Variants in ANK2 observed in about 807,000 individuals in gnomAD.
ANK2 encodes ankyrin-2.
Under a neutral mutation model 360.5 loss-of-function variants are expected in ANK2, and 83 were observed. The ratio of observed to expected loss-of-function variants is 0.23; its 90% CI spans 0.19 to 0.28. The LOEUF is 0.28. ANK2 is among the 10% of genes least tolerant of loss of function. The pLI, the probability that ANK2 is intolerant of heterozygous loss-of-function variation, is 1.00. For missense variants in ANK2, 4,201 were observed against 4,795.7 expected (o/e 0.88, Z 3.66); for synonymous variants, 1,740 against 1,759.5 (o/e 0.99, Z 0.28).
chr4:113,102,670 C>T (rs915784873), intron 1 of ANK2, among the ~76,000 whole-genome samples: 3 of 152,060 alleles, frequency 2.0e-5, no homozygotes, highest in Admixed American at 2.0e-4. Flanking sequence ...GAAGAATGTC[C>T]AACTGTGAAG....
chr4:112,754,378 C>T, the ANK2 span, among the ~76,000 whole-genome samples: 1 of 151,582 alleles, frequency 6.6e-6, no homozygotes, highest in African/African-American at 2.4e-5. Context: ...TGATTTCTAA[C>T]ATCCTTTCCA....
At chr4:112,980,428 C>T (rs997644080) in intron 2 of ANK2, 1 of 152,236 alleles carries the variant, frequency 6.6e-6, no homozygotes, top group African/African-American at 2.4e-5. Flanking sequence ...TCTGGGCTCC[C>T]TCTGGCCCCA....
At chr4:112,842,727 C>T (rs1001687397) in intron 1 of ANK2, among the ~76,000 whole-genome samples, 5 of 152,296 alleles carry the variant, frequency 3.3e-5, no homozygotes, top group African/African-American at 7.2e-5. Context: ...CTGTGCGGCC[C>T]GCTTCCTGTT....
At chr4:113,012,151 T>A (rs2054957874) in intron 2 of ANK2, among the ~76,000 whole-genome samples, 1 of 152,116 alleles carries the variant, frequency 6.6e-6, no homozygotes, top group African/African-American at 2.4e-5. Flanking sequence ...ACCACGAAAA[T>A]GCAGCCATTC....
chr4:112,761,342 C>G, the ANK2 span, among the ~76,000 whole-genome samples: 1 of 152,086 alleles, frequency 6.6e-6, no homozygotes, highest in African/African-American at 2.4e-5. Flanking sequence ...AAGTTCTCGC[C>G]TGGCACCGTG....
intron 4 of ANK2, among the ~76,000 whole-genome samples, chr4:113,213,839 G>A (rs1293641633): frequency 1.3e-5 from 2 of 152,046 alleles, no homozygotes; most frequent in African/African-American, 4.8e-5. Flanking sequence ...ACAAGAAAAG[G>A]ATTCCTGTTT....
In ANK2 at chr4:112,963,273, G is replaced by T. The variant is rs112888911; in HGVS notation, c.21+58759G>T. ...TTGACTCTTAATTTTTAATGATCTTGATGATACTAAAGCCATTTACACCTT... is the reference window on the plus strand; with the variant it reads ...TTGACTCTTAATTTTTAATGATCTTTATGATACTAAAGCCATTTACACCTT... On this transcript the variant is annotated intron_variant, in intron 2 of 30. Transcript: ENST00000503271. Among the ~76,000 whole-genome samples the T allele has an allele frequency of 6.1e-3, 934 of 152,166 alleles. 7 individuals are homozygous for T. Among genetic ancestry groups the T allele is most frequent in the African/African-American group, 0.02 (848 of 41,516 alleles).
intron 45 of ANK2, among the ~76,000 whole-genome samples, chr4:113,376,630 CTTTA>C (rs2096944341): frequency 6.6e-6 from 1 of 152,086 alleles, no homozygotes; most frequent in African/African-American, 2.4e-5. Context: ...AACTCTTTGA[CTTTA>C]TAAGCTTTTA....
At chr4:112,997,658 T>A (rs2049044787) in intron 2 of ANK2, among the ~76,000 whole-genome samples, 1 of 152,012 alleles carries the variant, frequency 6.6e-6, no homozygotes, top group Non-Finnish European at 1.5e-5. Context: ...AATATTTTGG[T>A]CATATTATCA....
Position 113,355,578 on chromosome 4 carries a change from C to T in ANK2, c.6960C>T (p.Ser2320=). The change falls in exon 38 of 46, where the codon AGC becomes AGT. Residue 2320 remains serine, a synonymous_variant. Coordinates refer to ENST00000357077, the MANE Select transcript of ANK2 (RefSeq NM_001148.6). ...EATLGSPKDT[S]PKRQDDCTGS... is the part of the protein sequence containing the mutation. ...CTCTAGGCTCTCCCAAAGACACAAG[C>T]CCTAAAAGACAAGATGATTGCACAG... The T allele has an allele frequency of 1.2e-6, 2 of 1,614,080 alleles. No homozygotes were observed. The highest frequency in any genetic ancestry group is 1.7e-6 in the Non-Finnish European group (2 of 1,179,972).
chr4:113,348,323 G>A lies in ANK2; in HGVS notation c.4404+15G>A. On this transcript the variant is annotated intron_variant, in intron 36 of 45. Coordinates refer to ENST00000357077, the MANE Select transcript of ANK2 (RefSeq NM_001148.6). Reference sequence around the variant, plus strand: ...AGGAGGAAGAGGTAATTTTATGACAGTGTCACTTGTTATCGGCTGTGTCAT... The same window carrying A: ...AGGAGGAAGAGGTAATTTTATGACAATGTCACTTGTTATCGGCTGTGTCAT... 8 of 1,612,380 alleles carry A rather than the reference G, an allele frequency of 5.0e-6. No individual in the cohort carries two copies. Among genetic ancestry groups the A allele is most frequent in the Non-Finnish European group, 6.8e-6 (8 of 1,178,672 alleles).
At chr4:112,957,588 C>T (rs1360878417) in intron 2 of ANK2, among the ~76,000 whole-genome samples, 1 of 151,274 alleles carries the variant, frequency 6.6e-6, no homozygotes, top group East Asian at 2.0e-4. Context: ...CCAGTAGGGG[C>T]GGCCGGGCAG....
chr4:113,094,943 A>G lies in ANK2; in HGVS notation c.84+45131A>G, dbSNP rs930851905. Among the ~76,000 whole-genome samples the G allele has an allele frequency of 3.3e-5, 5 of 152,348 alleles. No individual in the cohort carries two copies. The South Asian group carries it at 1.0e-3, about 32-fold the overall frequency. ...GTGTGGCTGGAATGCATGCTGTAGC[A>G]TGACTGGCCTCCAGTGGTGTCTTTG... On this transcript the variant is annotated intron_variant, in intron 1 of 45. Transcript: ENST00000357077.
At chr4:112,956,212 C>A (rs2095322902) in intron 2 of ANK2, among the ~76,000 whole-genome samples, 1 of 152,206 alleles carries the variant, frequency 6.6e-6, no homozygotes, top group Non-Finnish European at 1.5e-5. Context: ...CTTAACTAAG[C>A]ACTTATCATG....
Position 113,232,102 on chromosome 4 carries a change from C to T in ANK2, c.385-59C>T, listed in dbSNP as rs76851479. The T allele has an allele frequency of 7.1e-4, 871 of 1,221,382 alleles. 2 individuals are homozygous for T. The African/African-American group carries it at 8.8e-3, about 12-fold the overall frequency. The allele number at this position is 1,221,382 out of a possible 1,614,324, so 75.7% of individuals were successfully genotyped here. A position where few individuals can be genotyped will look rare whatever the true frequency, so the allele number is the denominator to read the frequency against. On this transcript the variant is annotated intron_variant, in intron 4 of 45. Transcript: ENST00000357077. ...TCTTCCCTATGTCGAAGGTTTACTT[C>T]CTAGTGTTCTCTCTTATACAAATGA... is the stretch of plus-strand genomic sequence containing the variant.
At chr4:112,833,195 A>G (rs998077190) in intron 1 of ANK2, among the ~76,000 whole-genome samples, 7 of 152,256 alleles carry the variant, frequency 4.6e-5, no homozygotes, top group African/African-American at 7.2e-5. Context: ...AGAATTATAA[A>G]AAGTTTTAAA....
At chr4:112,855,383 G>T (rs888173283) in intron 1 of ANK2, among the ~76,000 whole-genome samples, 1 of 152,202 alleles carries the variant, frequency 6.6e-6, no homozygotes, top group Non-Finnish European at 1.5e-5. Context: ...TAAATTGCCT[G>T]CCTGGGCAGC....
At chr4:112,754,432 AAGC>A in the ANK2 span, among the ~76,000 whole-genome samples, 3 of 151,668 alleles carry the variant, frequency 2.0e-5, no homozygotes, top group Non-Finnish European at 2.9e-5. Context: ...TATAAATCAA[AAGC>A]AGAGGTAGCA....
chr4:113,041,254 A>G (rs571766327), intron 2 of ANK2, among the ~76,000 whole-genome samples: 2 of 152,100 alleles, frequency 1.3e-5, no homozygotes, highest in African/African-American at 4.8e-5. Context: ...AATCCTTAAC[A>G]TGGCCTGTTG....
Sources: allele counts gnomAD v4.1 joint callset (sites outside exome capture counted in the v4.1 genomes callset), GRCh38; gene constraint gnomAD v4.1.1; transcripts MANE v1.5; gene names NCBI Gene and HGNC (gene_info 2026-07-23, HGNC 2026-07-21).